Variants in R3HDM1 observed in about 807,000 individuals in gnomAD.
R3HDM1 encodes R3H domain-containing protein 1.
A neutral mutation model predicts 141.1 loss-of-function variants in R3HDM1; 46 were observed. That is an observed-to-expected ratio of 0.33 (90% CI 0.26 to 0.42). R3HDM1 has a LOEUF of 0.42. R3HDM1 is among the 10% of genes least tolerant of loss of function. The pLI is 1.00. For missense variants in R3HDM1, 1,184 were observed against 1,368.3 expected (o/e 0.87, Z 2.12); for synonymous variants, 435 against 472.9 (o/e 0.92, Z 1.04).
chr2:135,551,080 A>G (rs1439338641), intron 1 of R3HDM1, among the ~76,000 whole-genome samples: 3 of 152,224 alleles, frequency 2.0e-5, no homozygotes, highest in Non-Finnish European at 4.4e-5. Context: ...TTTGTAAGTT[A>G]TATATAGACA....
chr2:135,556,782 T>C lies in R3HDM1; in HGVS notation c.-250+25149T>C, dbSNP rs183551236. Among the ~76,000 whole-genome samples, 84 of 152,164 alleles carry C rather than the reference T, an allele frequency of 5.5e-4. No individual in the cohort carries two copies. The East Asian group carries it at 0.013, about 23-fold the overall frequency. The stretch of plus-strand genomic sequence containing the variant: ...ATCTGCCCGCCTCGGCCTCCCAAAG[T>C]GCTGGGATTACAGGCATGAGCCACC... On this transcript the variant is annotated intron_variant, in intron 1 of 26. Transcript: ENST00000683871.
chr2:135,628,615 C>CTTGT lies in R3HDM1; in HGVS notation c.498-3080_498-3077dup, dbSNP rs112512085. On this transcript the variant is annotated intron_variant, in intron 7 of 26. Transcript: ENST00000683871. ...GAACTCCAAATAAGTTGCCTCCTTTCTTGTTTGTTTGTTTGTTTGTTTGTT... is the reference window on the plus strand; with the variant it reads ...GAACTCCAAATAAGTTGCCTCCTTTCTTGTTTGTTTGTTTGTTTGTTTGTTTGTT... Among the ~76,000 whole-genome samples, 642 of 152,056 alleles carry CTTGT rather than the reference C, an allele frequency of 4.2e-3. 4 individuals are homozygous for CTTGT. Among genetic ancestry groups the CTTGT allele is most frequent in the East Asian group, 0.016 (84 of 5,164 alleles).
Position 135,602,659 on chromosome 2 carries a change from T to C in R3HDM1, c.-90T>C. 1 of 1,547,250 alleles carries C rather than the reference T, an allele frequency of 6.5e-7. No individual in the cohort carries two copies. The highest frequency in any genetic ancestry group is 8.7e-7 in the Non-Finnish European group (1 of 1,146,148). ...TGTGAAAAAGAACCTTGGATTATTT[T>C]ATTTTATTTTTGTGGGACACCACAA... On this transcript the variant is annotated 5_prime_UTR_variant, in exon 2 of 27. Transcript: ENST00000683871.
chr2:135,659,075 G>GTGTGTGTA (rs2066315612), intron 18 of R3HDM1, among the ~76,000 whole-genome samples: 1 of 151,676 alleles, frequency 6.6e-6, no homozygotes, highest in African/African-American at 2.4e-5. Context: ...GTGTGTGTGT[G>GTGTGTGTA]TGTGTGTGTG....
intron 7 of R3HDM1, among the ~76,000 whole-genome samples, chr2:135,623,553 C>T (rs555558964): frequency 2.0e-5 from 3 of 152,194 alleles, no homozygotes; most frequent in African/African-American, 7.2e-5. Context: ...AATATCAACC[C>T]CAAAGAGAAT....
chr2:135,707,987 T>G (rs1255651102), intron 21 of R3HDM1, among the ~76,000 whole-genome samples: 1 of 152,206 alleles, frequency 6.6e-6, no homozygotes, highest in African/African-American at 2.4e-5. Context: ...AGAATTAACT[T>G]TTTATTATGG....
At chr2:135,695,008 G>A (rs2073025315) in intron 21 of R3HDM1, among the ~76,000 whole-genome samples, 1 of 152,074 alleles carries the variant, frequency 6.6e-6, no homozygotes, top group South Asian at 2.1e-4. Context: ...AGGAAAATTG[G>A]TCCTAGATTA....
chr2:135,635,952 A>G lies in R3HDM1; in HGVS notation c.761A>G (p.Tyr254Cys), dbSNP rs745458600. 4 of 1,611,736 alleles carry G rather than the reference A, an allele frequency of 2.5e-6. No individual in the cohort carries two copies. The highest frequency in any genetic ancestry group is 1.3e-5 in the African/African-American group (1 of 74,740). The change falls in exon 10 of 27, where the codon TAT becomes TGT. Residue 254 changes from tyrosine (Y) to cysteine (C), a missense_variant. Tyr to Cys is a radical substitution (Grantham distance 194). Around this residue, in one of 5 missense-constraint regions of R3HDM1, gnomAD observed 240 missense variants for 312.3 expected, o/e 0.77. Transcript: ENST00000683871. ...AAAGGTGAAGACTTTCAGAAACGTT[A>G]TATCCTCAAGAGAGATAACTCTAGC... is the stretch of plus-strand genomic sequence containing the variant. ...DDKGEDFQKR[Y>C]ILKRDNSSFD...
At chr2:135,608,341 T>TAAC (rs1338923034) in intron 3 of R3HDM1, among the ~76,000 whole-genome samples, 1 of 151,468 alleles carries the variant, frequency 6.6e-6, no homozygotes, top group Non-Finnish European at 1.5e-5. Context: ...ATAATAATAA[T>TAAC]AATTTACTAT....
intron 13 of R3HDM1, 28 bp from the exon 14 acceptor site, chr2:135,638,868 T>G (rs1163709209): frequency 1.2e-6 from 2 of 1,612,272 alleles, no homozygotes; most frequent in Non-Finnish European, 1.7e-6. Flanking sequence ...CTGCATTAGC[T>G]TTTCAAGGTT....
chr2:135,590,504 T>C (rs1372398991), intron 1 of R3HDM1: 1 of 949,100 alleles, frequency 1.1e-6, no homozygotes, highest in Non-Finnish European at 1.3e-6. Flanking sequence ...CAATTTGATG[T>C]GGTAGACATA....
rs1399478186 is a variant in R3HDM1 at position 135,724,325 on chromosome 2, C to T, written c.*33C>T. 2 of 1,460,390 alleles carry T rather than the reference C, an allele frequency of 1.4e-6. No homozygotes were observed. Among genetic ancestry groups the T allele is most frequent in the Non-Finnish European group, 1.9e-6 (2 of 1,065,514 alleles). 90.5% of individuals were successfully genotyped at this position (1,460,390 alleles called of 1,614,324 possible). ...CTTTGGACCCTTCGCCTTTATGGTT[C>T]CCCTGCCCTCTCCCATCTTTGATTG... On this transcript the variant is annotated 3_prime_UTR_variant, in exon 27 of 27. Coordinates refer to ENST00000683871, the MANE Select transcript of R3HDM1 (RefSeq NM_001378107.1).
intron 7 of R3HDM1, among the ~76,000 whole-genome samples, chr2:135,628,583 G>A (rs115746974): frequency 0.01 from 1,574 of 152,216 alleles, 25 homozygotes; most frequent in African/African-American, 0.036. Flanking sequence ...TAAATGTACT[G>A]TTTTATGAAC....
At chr2:135,653,341 G>A (rs1471975156) in intron 18 of R3HDM1, among the ~76,000 whole-genome samples, 1 of 152,136 alleles carries the variant, frequency 6.6e-6, no homozygotes, top group Admixed American at 6.5e-5. Context: ...GGGCAACAGA[G>A]CAAGACTCCA....
chr2:135,595,361 T>C (rs1449458507), intron 1 of R3HDM1, among the ~76,000 whole-genome samples: 1 of 152,224 alleles, frequency 6.6e-6, no homozygotes, highest in Non-Finnish European at 1.5e-5. Context: ...AGTTACTTGC[T>C]ATTATATTAA....
intron 7 of R3HDM1, 69 bp from the exon 8 acceptor site, chr2:135,631,649 A>G (rs1231654111): frequency 7.7e-7 from 1 of 1,305,588 alleles, no homozygotes; most frequent in Admixed American, 2.6e-5. Context: ...TATAAATCAT[A>G]GGCTGTTGAC....
At chr2:135,571,995 C>T (rs1379134632) in intron 1 of R3HDM1, among the ~76,000 whole-genome samples, 3 of 91,600 alleles carry the variant, frequency 3.3e-5, no homozygotes, top group African/African-American at 1.5e-4. Flanking sequence ...CCAGGCACCA[C>T]GTCATCCAGG....
Position 135,721,980 on chromosome 2 carries a change from C to T in R3HDM1, c.2938C>T (p.Leu980=). The part of the protein sequence containing the change: ...QPLQYNPPAV[L]HGHIPNQQGQ... Reference sequence around the variant, plus strand: ...ACTGCAGTACAATCCTCCTGCTGTTCTGCACGGACACATTCCAAACCAACA... The same window carrying T: ...ACTGCAGTACAATCCTCCTGCTGTTTTGCACGGACACATTCCAAACCAACA... Residue 980 remains leucine (L), a synonymous_variant, in exon 25 of 27, where the codon CTG becomes TTG. Coordinates refer to ENST00000683871, the MANE Select transcript of R3HDM1 (RefSeq NM_001378107.1). 6.2e-7 allele frequency: 1 copy of T among 1,613,796 alleles called. No homozygotes were observed. The highest frequency in any genetic ancestry group is 8.5e-7 in the Non-Finnish European group (1 of 1,179,710).
In R3HDM1 at chr2:135,641,561, G is replaced by A. The variant is rs764347794; in HGVS notation, c.1245G>A (p.Gly415=). 2 of 1,613,764 alleles carry A rather than the reference G, an allele frequency of 1.2e-6. No individual in the cohort carries two copies. Among genetic ancestry groups the A allele is most frequent in the East Asian group, 2.2e-5 (1 of 44,890 alleles). ...KTGSESSGSV[G]SSTGSLSHIQ... ...GTTCTGAGTCTTCTGGTAGTGTAGG[G>A]TCATCTACAGGCTCTCTTTCTCACA... The change falls in exon 15 of 27, where the codon GGG becomes GGA. Residue 415 remains glycine (G), a synonymous_variant. Transcript: ENST00000683871.
Sources: allele counts gnomAD v4.1 joint callset (sites outside exome capture counted in the v4.1 genomes callset), GRCh38; gene constraint gnomAD v4.1.1; regional missense constraint gnomAD v4.1.1; transcripts MANE v1.5; gene names NCBI Gene and HGNC (gene_info 2026-07-23, HGNC 2026-07-21).